CAPN2: variants seen among roughly 807,000 people sequenced by gnomAD.
CAPN2 encodes calpain 2.
Under a neutral mutation model 102.3 loss-of-function variants are expected in CAPN2, and 92 were observed. The ratio of observed to expected loss-of-function variants is 0.90; its 90% CI spans 0.76 to 1.07. The LOEUF (loss-of-function observed/expected upper bound fraction) is 1.07. Among genes scored for constraint, CAPN2 ranks in the 50% least tolerant of loss-of-function variants. The pLI, the probability that CAPN2 is intolerant of heterozygous loss-of-function variation, is 0.00. For missense variants in CAPN2, 800 were observed against 909.4 expected, an observed-to-expected ratio of 0.88 and a Z score of 1.55; for synonymous variants, 340 against 355.4, an observed-to-expected ratio of 0.96 and a Z score of 0.49.
At chr1:223,715,851 A>G (rs1460253484) in intron 1 of CAPN2, among the ~76,000 whole-genome samples, 1 of 152,158 alleles carries the variant, frequency 6.6e-6, no homozygotes, top group Non-Finnish European at 1.5e-5. Flanking sequence ...GACTGTTATC[A>G]TCAACTTCTT....
Position 223,759,312 on chromosome 1 carries a change from C to G in CAPN2, c.1360C>G (p.Leu454Val). The G allele has an allele frequency of 1.9e-6, 3 of 1,614,244 alleles. No homozygotes were observed. The highest frequency in any genetic ancestry group is 2.5e-6 in the Non-Finnish European group (3 of 1,180,046). Residue 454 changes from leucine to valine, a missense_variant, in exon 12 of 21, where the codon CTG (leucine) becomes GTG (valine). Transcript: ENST00000295006. The surrounding 1 kb of genome is among the most constrained non-coding windows in gnomAD (Gnocchi z 4.6). ...CATCCACCTCAGCAAAAACTTCTTC[C>G]TGACGAATCGCGCCAGGGAGCGCTC... Reference protein sequence around the residue: ...TNIHLSKNFFLTNRARERSDT... With the variant: ...TNIHLSKNFFVTNRARERSDT...
At position 223,756,025 on chromosome 1, in the gene CAPN2, C is replaced by T. The variant is rs1661026729; in HGVS notation, c.1305+376C>T. Among the ~76,000 whole-genome samples, 1 of 152,234 alleles carries T rather than the reference C, an allele frequency of 6.6e-6. No homozygotes were observed. The highest frequency in any genetic ancestry group is 1.5e-5 in the Non-Finnish European group (1 of 68,048). On this transcript the variant is annotated intron_variant, in intron 10 of 20. Coordinates refer to ENST00000295006, the MANE Select transcript of CAPN2 (RefSeq NM_001748.5). The surrounding 1 kb of genome is among the most constrained non-coding windows in gnomAD (Gnocchi z 4.1). ...AATACTGTGAGGGCAGGACTGAGTC[C>T]ATGGGTGCAGCTGCTCAGAGCTCGG...
At chr1:223,711,864 T>G (rs1390228614), upstream of CAPN2, among the ~76,000 whole-genome samples, 3 of 152,192 alleles carry the variant, frequency 2.0e-5, no homozygotes, top group Admixed American at 2.0e-4. Context: ...CCCAAAGTGT[T>G]GGGATTACAG....
At chr1:223,737,011 C>T (rs1660471561) in intron 2 of CAPN2, among the ~76,000 whole-genome samples, 1 of 151,978 alleles carries the variant, frequency 6.6e-6, no homozygotes, top group Admixed American at 6.5e-5. Flanking sequence ...TGCACTCTAG[C>T]CTGGGTGACA....
chr1:223,722,007 G>A (rs6693884), intron 2 of CAPN2, among the ~76,000 whole-genome samples: 15,346 of 152,198 alleles, frequency 0.1, 878 homozygotes, highest in African/African-American at 0.15. Flanking sequence ...GATGGTGGAG[G>A]AAGAGAAAAG....
Position 223,727,137 on chromosome 1 carries a change from G to A in CAPN2, c.307+9306G>A, listed in dbSNP as rs1660213161. Among the ~76,000 whole-genome samples, 1 of 68,294 alleles carries A rather than the reference G, an allele frequency of 1.5e-5. No homozygotes were observed. Among genetic ancestry groups the A allele is most frequent in the African/African-American group, 3.5e-5 (1 of 28,600 alleles). The allele number at this position is 68,294 out of a possible 152,430, so 44.8% of individuals were successfully genotyped here. A position where few individuals can be genotyped will look rare whatever the true frequency, so the allele number is the denominator to read the frequency against. On this transcript the variant is annotated intron_variant, in intron 2 of 20. Transcript: ENST00000295006. The surrounding 1 kb of genome is among the most constrained non-coding windows in gnomAD (Gnocchi z 4.1). ...GTCTGCTGGAGATTGTTAAAATGCT[G>A]TTGTCTCAGGAAGGGTGAAATTTAG...
chr1:223,764,226 C>G lies in CAPN2; in HGVS notation c.1690+19C>G. On this transcript the variant is annotated intron_variant, in intron 15 of 20. Transcript: ENST00000295006. Reference sequence around the variant, plus strand: ...GCAAAGCGTGAGTATCCCCTCATTGCAAAACCTCATCCTGCTCTTTCCCCT... The same window carrying G: ...GCAAAGCGTGAGTATCCCCTCATTGGAAAACCTCATCCTGCTCTTTCCCCT... 1 of 1,606,580 alleles carries G rather than the reference C, an allele frequency of 6.2e-7. No individual in the cohort carries two copies. The highest frequency in any genetic ancestry group is 8.5e-7 in the Non-Finnish European group (1 of 1,173,212).
intron 2 of CAPN2, among the ~76,000 whole-genome samples, chr1:223,720,262 T>C (rs1182465202): frequency 2.0e-5 from 3 of 151,894 alleles, no homozygotes; most frequent in African/African-American, 4.8e-5. Context: ...CCTCATTCCT[T>C]GTGCTAGAGG....
At chr1:223,736,999 A>C (rs1172753667) in intron 2 of CAPN2, among the ~76,000 whole-genome samples, 1 of 152,160 alleles carries the variant, frequency 6.6e-6, no homozygotes, top group East Asian at 1.9e-4. Flanking sequence ...TGATTGCACC[A>C]CTGCACTCTA....
At position 223,712,633 on chromosome 1, in the gene CAPN2, A is replaced by G; in HGVS notation, c.-8A>G. The G allele has an allele frequency of 6.6e-7, 1 of 1,517,796 alleles. No individual in the cohort carries two copies. The highest frequency in any genetic ancestry group is 2.7e-5 in the East Asian group (1 of 36,562). The allele number at this position is 1,517,796 out of a possible 1,614,324, so 94.0% of individuals were successfully genotyped here. ...TTCTCTGCGCAGTACGGCCGCCGGG[A>G]CCGCAGCATGGCGGGCATCGCGGCC... On this transcript the variant is annotated 5_prime_UTR_variant, in exon 1 of 21. Transcript: ENST00000295006.
upstream of CAPN2, among the ~76,000 whole-genome samples, chr1:223,709,661 C>CAAAAA: frequency 7.3e-6 from 1 of 137,852 alleles, no homozygotes; most frequent in East Asian, 2.3e-4. Flanking sequence ...AACTCCATCT[C>CAAAAA]AAAAAAAAAA....
rs1289020577 is a variant in CAPN2, at chr1:223,754,074, C to T, written c.1135+1118C>T. 6.6e-6 allele frequency among the ~76,000 whole-genome samples: 1 copy of T among 152,238 alleles called. No individual in the cohort carries two copies. Among genetic ancestry groups the T allele is most frequent in the Non-Finnish European group, 1.5e-5 (1 of 68,048 alleles). On this transcript the variant is annotated intron_variant, in intron 9 of 20. Transcript: ENST00000295006. The surrounding 1 kb of genome is among the most constrained non-coding windows in gnomAD (Gnocchi z 4.7). Reference sequence around the variant, plus strand: ...GAGGCTTGGAGAGGCTAGTGACTTGCTGAAGGCCACAGAGCGTGCTGGGAT... The same window carrying T: ...GAGGCTTGGAGAGGCTAGTGACTTGTTGAAGGCCACAGAGCGTGCTGGGAT...
Position 223,775,633 on chromosome 1 carries a change from C to A in CAPN2, c.*776C>A, listed in dbSNP as rs1284926180. The A allele has an allele frequency of 1.3e-5, 2 of 152,604 alleles. No homozygotes were observed. The highest frequency in any genetic ancestry group is 2.9e-5 in the Non-Finnish European group (2 of 68,042). The allele number at this position is 152,604 out of a possible 1,614,324, so 9.5% of individuals were successfully genotyped here. The stretch of plus-strand genomic sequence containing the variant: ...AAAGGACAAAATAAGCTGTTTGCCA[C>A]CTCAAAACTTTATGAACTTCACCAC... On this transcript the variant is annotated 3_prime_UTR_variant, in exon 21 of 21. Transcript: ENST00000295006.
chr1:223,716,492 C>T (rs1446096338), intron 1 of CAPN2, among the ~76,000 whole-genome samples: 1 of 152,082 alleles, frequency 6.6e-6, no homozygotes, highest in Non-Finnish European at 1.5e-5. Flanking sequence ...CAGAGAGAAA[C>T]AAGGCAGAGG....
upstream of CAPN2, among the ~76,000 whole-genome samples, chr1:223,711,723 GTC>G (rs1229908824): frequency 6.6e-6 from 1 of 152,196 alleles, no homozygotes; most frequent in Admixed American, 6.5e-5. Flanking sequence ...CGTTTCTCCT[GTC>G]TCAGCCTCCC....
chr1:223,723,673 A>G (rs1041330398), intron 2 of CAPN2, among the ~76,000 whole-genome samples: 2 of 152,034 alleles, frequency 1.3e-5, no homozygotes, highest in African/African-American at 4.8e-5. Flanking sequence ...AAGACAGCTC[A>G]TCAACAGGTC....
chr1:223,736,344 G>A (rs538041815), intron 2 of CAPN2, among the ~76,000 whole-genome samples: 3 of 152,188 alleles, frequency 2.0e-5, no homozygotes, highest in Non-Finnish European at 2.9e-5. Flanking sequence ...GGATGGCATC[G>A]GGCAGGTGCC....
At chr1:223,747,243 C>A in intron 5 of CAPN2, 78 bp downstream of exon 5, 1 of 1,401,970 alleles carries the variant, frequency 7.1e-7, no homozygotes, top group Non-Finnish European at 9.7e-7. Flanking sequence ...CCAAGGGAAC[C>A]CACTGCTCCT....
rs3820476 is a variant in CAPN2, at chr1:223,759,901, A to G, written c.1529+420A>G. ...AAGGGTGTAAGGTGGGAACCATCTC[A>G]ACGGTTCCCACCTCCAGAACCTCTC... On this transcript the variant is annotated intron_variant, in intron 12 of 20. Coordinates refer to ENST00000295006, the MANE Select transcript of CAPN2 (RefSeq NM_001748.5). The surrounding 1 kb of genome is among the most constrained non-coding windows in gnomAD (Gnocchi z 4.6). 6.6e-6 allele frequency among the ~76,000 whole-genome samples: 1 copy of G among 151,472 alleles called. No individual in the cohort carries two copies. Among genetic ancestry groups the G allele is most frequent in the Non-Finnish European group, 1.5e-5 (1 of 67,890 alleles).
Sources: gnomAD v4.1 joint callset for allele counts (sites outside exome capture counted in the v4.1 genomes callset) on GRCh38, gnomAD v4.1.1 for gene constraint, Gnocchi (gnomAD v3.1) non-coding constraint, MANE v1.5 for transcripts, NCBI Gene and HGNC (gene_info 2026-07-23, HGNC 2026-07-21) for gene names.